RAB2A: variants seen among roughly 807,000 people sequenced by gnomAD.
The protein encoded by RAB2A is ras-related protein Rab-2A.
A neutral mutation model predicts 32.5 loss-of-function variants in RAB2A; 7 were observed. That is an observed-to-expected ratio of 0.22 (90% CI 0.12 to 0.40). The LOEUF (loss-of-function observed/expected upper bound fraction) is 0.40, where lower values mean the gene tolerates loss of function less well. RAB2A is among the 10% of genes least tolerant of loss of function. The pLI, the probability that RAB2A is intolerant of heterozygous loss-of-function variation, is 1.00. For missense variants in RAB2A, 108 were observed against 260.7 expected, an observed-to-expected ratio of 0.41 and a Z score of 4.03; for synonymous variants, 79 against 85.2, an observed-to-expected ratio of 0.93 and a Z score of 0.40.
chr8:60,517,364 C>A, intron 1 of RAB2A, 111 bp downstream of exon 1: 3 of 1,018,454 alleles, frequency 2.9e-6, no homozygotes, highest in Non-Finnish European at 4.0e-6. Context: ...GCGCCTCCCT[C>A]CTGGCCGCGC....
chr8:60,538,633 A>C (rs139279094), intron 1 of RAB2A, among the ~76,000 whole-genome samples: 130 of 152,310 alleles, frequency 8.5e-4, no homozygotes, highest in African/African-American at 2.9e-3. Flanking sequence ...TAAGGGGCTG[A>C]AATGGGCTGG....
chr8:60,526,951 A>C (rs1807400974), intron 1 of RAB2A, among the ~76,000 whole-genome samples: 1 of 146,156 alleles, frequency 6.8e-6, no homozygotes, highest in Admixed American at 7.0e-5. Context: ...CCTGGGCGAC[A>C]GTGCGAGACT....
At chr8:60,517,586 C>T (rs1246699455) in intron 1 of RAB2A, among the ~76,000 whole-genome samples, 2 of 152,088 alleles carry the variant, frequency 1.3e-5, no homozygotes, top group African/African-American at 4.8e-5. Flanking sequence ...ACCCCACCCC[C>T]AGGGCCCCTT....
chr8:60,604,963 G>A (rs1415472341), intron 6 of RAB2A, among the ~76,000 whole-genome samples: 1 of 152,160 alleles, frequency 6.6e-6, no homozygotes, highest in African/African-American at 2.4e-5. Flanking sequence ...CATGACAATG[G>A]GGAGAAGGCC....
At chr8:60,527,289 A>G (rs777731402) in intron 1 of RAB2A, among the ~76,000 whole-genome samples, 10 of 152,180 alleles carry the variant, frequency 6.6e-5, no homozygotes, top group Admixed American at 1.3e-4. Flanking sequence ...AACATTGGAA[A>G]TTACAATTTG....
chr8:60,597,447 G>C (rs1804047334), intron 6 of RAB2A, among the ~76,000 whole-genome samples: 1 of 152,116 alleles, frequency 6.6e-6, no homozygotes, highest in South Asian at 2.1e-4. Context: ...CTGTTGGGGG[G>C]TGGGGGCCTA....
intron 5 of RAB2A, among the ~76,000 whole-genome samples, chr8:60,588,962 A>C (rs62510251): frequency 6.6e-6 from 1 of 152,196 alleles, no homozygotes; most frequent in African/African-American, 2.4e-5. Context: ...AGAAGAAACT[A>C]TTATCATATT....
rs6150606 is a variant in RAB2A, at chr8:60,546,891, CTTTTTTTTTTTTT to C, written c.47-11949_47-11937del. ...TGCTTTTTGTTTTTGTTTTTTGGGT[CTTTTTTTTTTTTT>C]TTTTTTTTTTTATTGATCATTCTTG... On this transcript the variant is annotated intron_variant, in intron 1 of 7. Coordinates refer to ENST00000262646, the MANE Select transcript of RAB2A (RefSeq NM_002865.3). 4.2e-3 allele frequency among the ~76,000 whole-genome samples: 414 copies of C among 98,928 alleles called. 1 individual carries two copies. The highest frequency in any genetic ancestry group is 0.025 in the South Asian group (75 of 2,972). The allele number at this position is 98,928 out of a possible 152,430, so 64.9% of individuals were successfully genotyped here. A position where few individuals can be genotyped will look rare whatever the true frequency, so the allele number is the denominator to read the frequency against.
chr8:60,558,625 A>T (rs1380158744), intron 1 of RAB2A: 2 of 563,680 alleles, frequency 3.5e-6, no homozygotes, highest in Non-Finnish European at 6.4e-6. Flanking sequence ...TTTCACATTG[A>T]AATATTAAAT....
chr8:60,541,942 C>T (rs1807652312), intron 1 of RAB2A, among the ~76,000 whole-genome samples: 1 of 152,006 alleles, frequency 6.6e-6, no homozygotes, highest in Non-Finnish European at 1.5e-5. Flanking sequence ...TCCCCTGAAA[C>T]CAGACAGTTA....
At chr8:60,607,401 C>T (rs187926182) in intron 6 of RAB2A, among the ~76,000 whole-genome samples, 3,605 of 137,936 alleles carry the variant, frequency 0.026, 65 homozygotes, top group Middle Eastern at 0.04. Flanking sequence ...TGCACTCCAG[C>T]CTGGGCGACA....
At chr8:60,543,386 A>C (rs1164830862) in intron 1 of RAB2A, among the ~76,000 whole-genome samples, 1 of 132,820 alleles carries the variant, frequency 7.5e-6, no homozygotes, top group Non-Finnish European at 1.6e-5. Context: ...TCATTCACTT[A>C]ACTGTACTCT....
intron 6 of RAB2A, among the ~76,000 whole-genome samples, chr8:60,605,283 G>T (rs1224705238): frequency 1.3e-5 from 2 of 152,228 alleles, no homozygotes; most frequent in African/African-American, 4.8e-5. Context: ...TTCAGAGAAT[G>T]TATGGAAAAC....
chr8:60,608,120 G>C (rs1804267658), intron 6 of RAB2A, among the ~76,000 whole-genome samples: 2 of 127,818 alleles, frequency 1.6e-5, no homozygotes. Context: ...TGTTTGTTTT[G>C]GTATTTATTT....
At chr8:60,527,943 G>C (rs1807417794) in intron 1 of RAB2A, among the ~76,000 whole-genome samples, 1 of 152,132 alleles carries the variant, frequency 6.6e-6, no homozygotes, top group African/African-American at 2.4e-5. Flanking sequence ...AAGGGACACT[G>C]GTTATCACAT....
Position 60,623,018 on chromosome 8 carries a change from G to A in RAB2A, c.*2249G>A, listed in dbSNP as rs1157038578. 2.0e-5 allele frequency: 3 copies of A among 151,930 alleles called. No homozygotes were observed. Among genetic ancestry groups the A allele is most frequent in the Non-Finnish European group, 4.4e-5 (3 of 67,994 alleles). The allele number at this position is 151,930 out of a possible 1,614,324, so 9.4% of individuals were successfully genotyped here. A position where few individuals can be genotyped will look rare whatever the true frequency, so the allele number is the denominator to read the frequency against. On this transcript the variant is annotated 3_prime_UTR_variant, in exon 8 of 8. Transcript: ENST00000262646. ...GTAATTGAATTTTTAGTTGATCTTC[G>A]ATCAGTTTTTATAGCATCTATGGAC...
chr8:60,574,771 C>G (rs923589012), intron 3 of RAB2A, among the ~76,000 whole-genome samples: 2 of 151,980 alleles, frequency 1.3e-5, no homozygotes, highest in Non-Finnish European at 2.9e-5. Flanking sequence ...AATAAACTTG[C>G]AAAAGAAATC....
At chr8:60,549,642 G>T (rs936585968) in intron 1 of RAB2A, among the ~76,000 whole-genome samples, 1 of 152,098 alleles carries the variant, frequency 6.6e-6, no homozygotes, top group African/African-American at 2.4e-5. Flanking sequence ...CTTGTTCTTG[G>T]TGCAGAATGA....
At chr8:60,543,752 G>T (rs183301517) in intron 1 of RAB2A, among the ~76,000 whole-genome samples, 1 of 152,064 alleles carries the variant, frequency 6.6e-6, no homozygotes, top group African/African-American at 2.4e-5. Flanking sequence ...TTCCGAAATC[G>T]TTCTATTTAG....
Sources: allele counts gnomAD v4.1 joint callset (sites outside exome capture counted in the v4.1 genomes callset), GRCh38; gene constraint gnomAD v4.1.1; transcripts MANE v1.5; gene names NCBI Gene and HGNC (gene_info 2026-07-23, HGNC 2026-07-21).